WNK1: variants seen among roughly 807,000 people sequenced by gnomAD.
The protein encoded by WNK1 is WNK lysine deficient protein kinase 1.
A neutral mutation model predicts 222.8 loss-of-function variants in WNK1; 38 were observed. The ratio of observed to expected loss-of-function variants is 0.17; its 90% CI spans 0.13 to 0.22. The LOEUF is 0.22. WNK1 is among the 10% of genes least tolerant of loss of function. The pLI is 1.00. For synonymous variants in WNK1, 1,090 were observed against 1,092.9 expected, an observed-to-expected ratio of 1.00 and a Z score of 0.05; for missense variants, 2,348 against 2,918.4, an observed-to-expected ratio of 0.80 and a Z score of 4.50.
intron 7 of WNK1, among the ~76,000 whole-genome samples, chr12:861,551 G>A (rs566342847): frequency 5.9e-5 from 9 of 152,214 alleles, no homozygotes; most frequent in Middle Eastern, 3.4e-3. Context: ...ATGTGATTAG[G>A]ATACAAAATA....
In WNK1 at chr12:885,850, A is replaced by C. The variant is rs1424208981; in HGVS notation, c.5046A>C (p.Leu1682=). The C allele has an allele frequency of 6.2e-7, 1 of 1,613,968 alleles. No homozygotes were observed. Among genetic ancestry groups the C allele is most frequent in the East Asian group, 2.2e-5 (1 of 44,890 alleles). ...CCTCTGTCTCACTGGAGACCTCACT[A>C]GTCATAGAGAGCACTGTCACACCAG... The part of the protein sequence containing the change: ...QHASVSLETS[L]VIESTVTPGI... Residue 1682 remains leucine, a synonymous_variant, in exon 19 of 28, where the codon CTA becomes CTC. Transcript: ENST00000315939.
Position 894,597 on chromosome 12 carries a change from A to G in WNK1, c.5545A>G (p.Ser1849Gly), listed in dbSNP as rs1954577025. Residue 1849 changes from serine (S) to glycine (G), a missense_variant, in exon 23 of 28, where the codon AGT (serine) becomes GGT (glycine). By Grantham distance (56) the Ser-to-Gly change is moderately conservative. Coordinates refer to ENST00000315939, the MANE Select transcript of WNK1 (RefSeq NM_018979.4). The stretch of plus-strand genomic sequence containing the variant: ...CAAAGAAGGCCCTGTCCTAGCAACT[A>G]GTTCAGGAGCTGGTGTTTTTAAGAT... ...QVKEGPVLATSSGAGVFKMGR... is the reference protein window; with the variant it reads ...QVKEGPVLATGSGAGVFKMGR... 1 of 1,605,708 alleles carries G rather than the reference A, an allele frequency of 6.2e-7. No individual in the cohort carries two copies. Among genetic ancestry groups the G allele is most frequent in the African/African-American group, 1.3e-5 (1 of 74,854 alleles).
At chr12:871,138 A>T in intron 8 of WNK1, 127 bp from the exon 9 acceptor site, 1 of 878,968 alleles carries the variant, frequency 1.1e-6, no homozygotes. Context: ...TCCCATACAT[A>T]ATCAGGTTAA....
chr12:911,202 T>C lies in WNK1; in HGVS notation c.*2410T>C, dbSNP rs1234437305. On this transcript the variant is annotated 3_prime_UTR_variant, in exon 28 of 28. Coordinates refer to ENST00000315939, the MANE Select transcript of WNK1 (RefSeq NM_018979.4). ...TTATTTTTGTGTTAATAGTACACTT[T>C]GAGTATCTTTTTCCACATTAAAAAC... 2 of 398,228 alleles carry C rather than the reference T, an allele frequency of 5.0e-6. No homozygotes were observed. The highest frequency in any genetic ancestry group is 8.9e-6 in the Non-Finnish European group (2 of 225,936). 24.7% of individuals were successfully genotyped at this position (398,228 alleles called of 1,614,324 possible).
intron 1 of WNK1, among the ~76,000 whole-genome samples, chr12:780,299 A>C (rs1943564309): frequency 6.6e-6 from 1 of 152,238 alleles, no homozygotes; most frequent in Non-Finnish European, 1.5e-5. Context: ...GTTAAAATAC[A>C]TACAATGTTT....
In WNK1 at chr12:753,023, G is replaced by T. The variant is rs1438186588; in HGVS notation, c.-543G>T. 6.6e-6 allele frequency: 1 copy of T among 152,082 alleles called. No homozygotes were observed. Among genetic ancestry groups the T allele is most frequent in the Non-Finnish European group, 1.5e-5 (1 of 68,042 alleles). The allele number at this position is 152,082 out of a possible 1,614,324, so 9.4% of individuals were successfully genotyped here. On this transcript the variant is annotated 5_prime_UTR_variant, in exon 1 of 28. Coordinates refer to ENST00000315939, the MANE Select transcript of WNK1 (RefSeq NM_018979.4). The surrounding 1 kb of genome is among the most constrained non-coding windows in gnomAD (Gnocchi z 5.2). Reference sequence around the variant, plus strand: ...GGCCGCCCGAGTGACCGGGAGCCGGGCCGCGGCCTTCCCTCGCCCGCCTCG... The same window carrying T: ...GGCCGCCCGAGTGACCGGGAGCCGGTCCGCGGCCTTCCCTCGCCCGCCTCG...
At chr12:874,112 T>C (rs1022192552) in intron 9 of WNK1, among the ~76,000 whole-genome samples, 1 of 151,534 alleles carries the variant, frequency 6.6e-6, no homozygotes, top group Non-Finnish European at 1.5e-5. Flanking sequence ...ACTATGATAT[T>C]GCCACCATAC....
chr12:808,120 C>A (rs1247916729), intron 1 of WNK1, among the ~76,000 whole-genome samples: 3 of 148,300 alleles, frequency 2.0e-5, no homozygotes, highest in Non-Finnish European at 4.5e-5. Flanking sequence ...TCCTGCAAGA[C>A]CTCACCTATA....
intron 8 of WNK1, among the ~76,000 whole-genome samples, chr12:864,728 G>T (rs1486941345): frequency 6.6e-6 from 1 of 152,076 alleles, no homozygotes; most frequent in African/African-American, 2.4e-5. Context: ...ATTCATTCTT[G>T]TTGAATCTTA....
At chr12:838,630 G>A (rs1197376488) in intron 4 of WNK1, among the ~76,000 whole-genome samples, 1 of 152,038 alleles carries the variant, frequency 6.6e-6, no homozygotes, top group African/African-American at 2.4e-5. Flanking sequence ...TGCCCAGGCT[G>A]GTCTAGAACT....
At chr12:855,714 GT>G (rs1428392187) in intron 4 of WNK1, among the ~76,000 whole-genome samples, 1 of 152,122 alleles carries the variant, frequency 6.6e-6, no homozygotes, top group Non-Finnish European at 1.5e-5. Flanking sequence ...CTCTTGATCC[GT>G]GTGGTGACTT....
At position 896,456 on chromosome 12, in the gene WNK1, C is replaced by T; in HGVS notation, c.5969C>T (p.Pro1990Leu). 6.2e-7 allele frequency: 1 copy of T among 1,613,912 alleles called. No individual in the cohort carries two copies. The change falls in exon 24 of 28, where the codon CCT becomes CTT. Residue 1990 changes from proline (P) to leucine (L), a missense_variant. Around this residue, in one of 13 missense-constraint regions of WNK1, gnomAD observed 1,144 missense variants for 1,273.6 expected, o/e 0.90. Transcript: ENST00000315939. ...PFMDLEQAVL[P>L]AVIPKKEKPE... ...ATGGATTTGGAACAAGCTGTTCTTC[C>T]TGCTGTGATACCAAAGAAAGAGAAG... is the stretch of plus-strand genomic sequence containing the variant.
intron 1 of WNK1, among the ~76,000 whole-genome samples, chr12:803,858 T>A (rs1565453281): frequency 6.6e-6 from 1 of 152,242 alleles, no homozygotes. Context: ...ATTTTTCTAA[T>A]GTGTACAGTG....
intron 1 of WNK1, among the ~76,000 whole-genome samples, chr12:775,512 C>T (rs1001933879): frequency 2.0e-5 from 3 of 152,062 alleles, no homozygotes; most frequent in African/African-American, 7.3e-5. Context: ...GAATTTGAGA[C>T]CAGCCTGAGC....
intron 26 of WNK1, chr12:906,503 G>T: frequency 1.0e-6 from 1 of 985,242 alleles, no homozygotes; most frequent in Non-Finnish European, 1.2e-6. Context: ...GGGGAGAAGC[G>T]GTGGGAATCC....
At chr12:838,410 GTTATTA>G (rs571830233) in intron 4 of WNK1, among the ~76,000 whole-genome samples, 9 of 151,360 alleles carry the variant, frequency 5.9e-5, no homozygotes, top group Non-Finnish European at 7.4e-5. Context: ...AATCCTTGTT[GTTATTA>G]TTATTATTAT....
chr12:754,028 A>C lies in WNK1; in HGVS notation c.463A>C (p.Thr155Pro), dbSNP rs750354581. Residue 155 changes from threonine (T) to proline (P), a missense_variant, in exon 1 of 28, where the codon ACT becomes CCT. By Grantham distance (38) the Thr-to-Pro change is conservative (BLOSUM62 -1). Coordinates refer to ENST00000315939, the MANE Select transcript of WNK1 (RefSeq NM_018979.4). Reference protein sequence around the residue: ...EQAVAGPAPSTVPSSTSKDRP... With the variant: ...EQAVAGPAPSPVPSSTSKDRP... ...GGCCGTCGCGGGCCCTGCCCCCTCGACTGTCCCCAGCAGTACCAGCAAAGA... is the reference window on the plus strand; with the variant it reads ...GGCCGTCGCGGGCCCTGCCCCCTCGCCTGTCCCCAGCAGTACCAGCAAAGA... The C allele has an allele frequency of 1.9e-6, 3 of 1,590,394 alleles. No individual in the cohort carries two copies. Among genetic ancestry groups the C allele is most frequent in the Non-Finnish European group, 2.6e-6 (3 of 1,168,886 alleles).
At chr12:852,308 T>C (rs1309529711) in intron 4 of WNK1, among the ~76,000 whole-genome samples, 2 of 152,138 alleles carry the variant, frequency 1.3e-5, no homozygotes, top group African/African-American at 4.8e-5. Flanking sequence ...TATTATAGAG[T>C]TACAGTTGTT....
chr12:757,326 T>C (rs1940218137), intron 1 of WNK1, among the ~76,000 whole-genome samples: 1 of 104,118 alleles, frequency 9.6e-6, no homozygotes, highest in Admixed American at 1.1e-4. Flanking sequence ...TTTTTTTTTT[T>C]TTTTTTTAAA....
Sources: gnomAD v4.1 joint callset for allele counts (sites outside exome capture counted in the v4.1 genomes callset) on GRCh38, gnomAD v4.1.1 for gene constraint, gnomAD v4.1.1 regional missense constraint, Gnocchi (gnomAD v3.1) non-coding constraint, MANE v1.5 for transcripts, NCBI Gene and HGNC (gene_info 2026-07-23, HGNC 2026-07-21) for gene names.